The following ABCB1 variants were observed in gnomAD, a reference collection of about 807,000 sequenced individuals.
ABCB1 encodes the protein ATP binding cassette subfamily B member 1, also known as ATP-dependent translocase ABCB1.
Under a neutral mutation model 142.0 loss-of-function variants are expected in ABCB1, and 69 were observed. The ratio of observed to expected loss-of-function variants is 0.49; its 90% CI spans 0.40 to 0.59. ABCB1 has a LOEUF of 0.59. Among genes scored for constraint, ABCB1 ranks in the 20% least tolerant of loss-of-function variants. ABCB1 has a pLI of 0.00. For synonymous variants in ABCB1, 532 were observed against 539.2 expected, an observed-to-expected ratio of 0.99 and a Z score of 0.18; for missense variants, 1,326 against 1,554.7, an observed-to-expected ratio of 0.85 and a Z score of 2.47.
intron 9 of ABCB1, among the ~76,000 whole-genome samples, chr7:87,552,384 T>C (rs529342275): frequency 6.6e-6 from 1 of 152,320 alleles, no homozygotes; most frequent in East Asian, 1.9e-4. Flanking sequence ...GGTTCATTCC[T>C]GTCATATCAT....
chr7:87,605,861 A>T (rs923917551), upstream of ABCB1, among the ~76,000 whole-genome samples: 1 of 152,206 alleles, frequency 6.6e-6, no homozygotes. Flanking sequence ...CCTAATAAAG[A>T]TGGTCAATGG....
intron 4 of ABCB1, among the ~76,000 whole-genome samples, chr7:87,576,841 T>C (rs917385145): frequency 2.0e-5 from 3 of 152,152 alleles, no homozygotes; most frequent in Admixed American, 1.3e-4. Context: ...AGGCATACAA[T>C]GGATAATAAT....
intron 1 of ABCB1, among the ~76,000 whole-genome samples, chr7:87,623,791 A>G (rs1820312232): frequency 6.6e-6 from 1 of 152,082 alleles, no homozygotes; most frequent in South Asian, 2.1e-4. Context: ...CCCTCCCAGT[A>G]GATTCATTGC....
intron 1 of ABCB1, among the ~76,000 whole-genome samples, chr7:87,626,722 A>G (rs1331847347): frequency 1.7e-5 from 1 of 60,072 alleles, no homozygotes; most frequent in Non-Finnish European, 3.2e-5. Flanking sequence ...TGTCATATAT[A>G]TGTGTCATAT....
chr7:87,531,532 AT>A (rs762672319), intron 20 of ABCB1, 35 bp from the exon 21 acceptor site: 2 of 1,590,770 alleles, frequency 1.3e-6, no homozygotes, highest in Non-Finnish European at 1.7e-6. Flanking sequence ...AATTTTAAAA[AT>A]ATTATCTTCA....
intron 1 of ABCB1, among the ~76,000 whole-genome samples, chr7:87,629,588 G>A (rs557496812): frequency 6.6e-5 from 10 of 152,090 alleles, no homozygotes; most frequent in African/African-American, 2.4e-4. Context: ...CTTTATAACT[G>A]TAAATGTAGT....
intron 1 of ABCB1, among the ~76,000 whole-genome samples, chr7:87,661,284 T>G (rs965321698): frequency 6.6e-6 from 1 of 151,942 alleles, no homozygotes; most frequent in South Asian, 2.1e-4. Context: ...ACTCTTTTAG[T>G]TATTTTTAAA....
chr7:87,624,580 A>AT (rs1820339820), intron 1 of ABCB1, among the ~76,000 whole-genome samples: 1 of 152,280 alleles, frequency 6.6e-6, no homozygotes, highest in East Asian at 1.9e-4. Context: ...TGTTTTCATA[A>AT]TTTTTACTGT....
intron 27 of ABCB1, among the ~76,000 whole-genome samples, chr7:87,504,791 C>A (rs1348910250): frequency 7.0e-6 from 1 of 141,906 alleles, no homozygotes; most frequent in Admixed American, 7.3e-5. Context: ...GGCGACAGAG[C>A]GAGACTCCAT....
intron 1 of ABCB1, chr7:87,700,384 C>T: frequency 6.6e-7 from 1 of 1,517,164 alleles, no homozygotes; most frequent in Non-Finnish European, 8.9e-7. Flanking sequence ...TTTTATTTTA[C>T]TTTTTAAAAT....
At chr7:87,565,514 G>T (rs1039462243) in intron 7 of ABCB1, 1 of 442,922 alleles carries the variant, frequency 2.3e-6, no homozygotes, top group Admixed American at 2.5e-5. Flanking sequence ...CATCCTTAGG[G>T]ACTAGAAAGT....
intron 1 of ABCB1, among the ~76,000 whole-genome samples, chr7:87,670,040 A>G (rs1825673264): frequency 6.6e-6 from 1 of 152,170 alleles, no homozygotes; most frequent in Non-Finnish European, 1.5e-5. Flanking sequence ...GGAAGTTTTC[A>G]TGGACAATTT....
At chr7:87,551,532 C>A (rs1817068249) in intron 9 of ABCB1, among the ~76,000 whole-genome samples, 1 of 152,078 alleles carries the variant, frequency 6.6e-6, no homozygotes, top group Admixed American at 6.5e-5. Context: ...TGCTTTGTTG[C>A]CCAGCCTGGA....
At chr7:87,587,860 G>A (rs535278139) in intron 3 of ABCB1, among the ~76,000 whole-genome samples, 1 of 129,930 alleles carries the variant, frequency 7.7e-6, no homozygotes, top group African/African-American at 2.9e-5. Flanking sequence ...GGGCGACAGA[G>A]TGAGACTCTG....
intron 1 of ABCB1, chr7:87,709,415 C>T: frequency 3.0e-6 from 3 of 985,302 alleles, no homozygotes; most frequent in Non-Finnish European, 3.6e-6. Context: ...TCCTCTGTTC[C>T]AATCAGCTAC....
At chr7:87,694,703 G>T (rs866164203) in intron 1 of ABCB1, among the ~76,000 whole-genome samples, 21 of 151,500 alleles carry the variant, frequency 1.4e-4, no homozygotes, top group Admixed American at 6.6e-5. Context: ...CAGCCGTCAT[G>T]TACGATTTCA....
At chr7:87,605,623 G>T (rs1298749262), upstream of ABCB1, among the ~76,000 whole-genome samples, 2 of 152,120 alleles carry the variant, frequency 1.3e-5, no homozygotes, top group African/African-American at 4.8e-5. Context: ...GGCAACTCTT[G>T]GAATTCCAGC....
chr7:87,544,340 G>T, intron 16 of ABCB1, 65 bp from the exon 17 acceptor site: 1 of 1,493,384 alleles, frequency 6.7e-7, no homozygotes, highest in Non-Finnish European at 9.3e-7. Flanking sequence ...TCTTACATAC[G>T]CACAAAAATT....
chr7:87,702,005 T>C lies in ABCB1; in HGVS notation c.-331+11156A>G, dbSNP rs559173883. Among the ~76,000 whole-genome samples the C allele has an allele frequency of 5.7e-4, 87 of 151,484 alleles. No homozygotes were observed. The South Asian group carries it at 9.8e-3, about 17-fold the overall frequency. On this transcript the variant is annotated intron_variant, in intron 1 of 28. Coordinates refer to the ABCB1 transcript ENST00000265724. ...GAAAATATAAAAAATTAGCCAGGCGTGGTGGTGGGCACCTGTAATCCCAGC... is the reference window on the plus strand; with the variant it reads ...GAAAATATAAAAAATTAGCCAGGCGCGGTGGTGGGCACCTGTAATCCCAGC...
Sources: gnomAD v4.1 joint callset for allele counts (sites outside exome capture counted in the v4.1 genomes callset) on GRCh38, gnomAD v4.1.1 for gene constraint, MANE v1.5 for transcripts, NCBI Gene and HGNC (gene_info 2026-07-23, HGNC 2026-07-21) for gene names.